RPS6KA2: variants seen among roughly 807,000 people sequenced by gnomAD.
RPS6KA2 encodes the protein ribosomal protein S6 kinase A2.
RPS6KA2 carries 42 observed loss-of-function variants against 91.8 expected under a neutral mutation model. The observed-to-expected ratio is 0.46, with a 90% CI of 0.36 to 0.59. RPS6KA2 has a LOEUF of 0.59. RPS6KA2 is among the 20% of genes least tolerant of loss of function. The probability of loss-of-function intolerance (pLI) is 0.00; values close to 1 mark genes in which losing one functional copy is unlikely to be tolerated. For missense variants in RPS6KA2, 798 were observed against 978.5 expected (o/e 0.82, Z 2.46); for synonymous variants, 414 against 393.6 (o/e 1.05, Z -0.61).
intron 2 of RPS6KA2, among the ~76,000 whole-genome samples, chr6:166,776,257 A>G (rs1471557202): frequency 6.6e-6 from 1 of 152,210 alleles, no homozygotes; most frequent in Non-Finnish European, 1.5e-5. Flanking sequence ...AAGGAGGTTC[A>G]ACGAAAAGCT....
intron 2 of RPS6KA2, among the ~76,000 whole-genome samples, chr6:166,656,555 C>T (rs781559326): frequency 6.6e-6 from 1 of 152,250 alleles, no homozygotes; most frequent in Non-Finnish European, 1.5e-5. Context: ...GTGGGCCCGG[C>T]AGGTGCTCCC....
chr6:166,417,207 C>T (rs1364388354), intron 19 of RPS6KA2, among the ~76,000 whole-genome samples: 1 of 152,184 alleles, frequency 6.6e-6, no homozygotes, highest in South Asian at 2.1e-4. Flanking sequence ...TACCTCTGGA[C>T]AAGAGCTCTA....
intron 2 of RPS6KA2, among the ~76,000 whole-genome samples, chr6:166,649,424 C>T (rs1984412): frequency 0.31 from 47,474 of 152,100 alleles, 7,592 homozygotes; most frequent in East Asian, 0.41. Flanking sequence ...GTTTCCGGGT[C>T]ATCCTCCCTG....
intron 16 of RPS6KA2, chr6:166,424,028 C>G (rs896824588): frequency 6.6e-6 from 1 of 152,432 alleles, no homozygotes; most frequent in Non-Finnish European, 1.5e-5. Flanking sequence ...ATTTAGGGCA[C>G]AAAGCAATGT....
intron 2 of RPS6KA2, among the ~76,000 whole-genome samples, chr6:166,643,943 C>T (rs1787527301): frequency 6.6e-6 from 1 of 152,248 alleles, no homozygotes; most frequent in Non-Finnish European, 1.5e-5. Flanking sequence ...TCACTATACA[C>T]AGTGCCTGTT....
chr6:166,732,618 C>G lies in RPS6KA2; in HGVS notation c.123+125582G>C, dbSNP rs577642569. ...TGCATCCAGACTGTTGAATCTTCAA[C>G]CAGCATCAAAGAAAGGAGCCGCCTT... On this transcript the variant is annotated intron_variant, in intron 2 of 21. Coordinates refer to the RPS6KA2 transcript ENST00000503859. The surrounding 1 kb of genome is among the most constrained non-coding windows in gnomAD (Gnocchi z 4.0). Among the ~76,000 whole-genome samples, 1 of 152,384 alleles carries G rather than the reference C, an allele frequency of 6.6e-6. No homozygotes were observed. Among genetic ancestry groups the G allele is most frequent in the South Asian group, 2.1e-4 (1 of 4,832 alleles).
At chr6:166,702,083 G>A (rs1789539603) in intron 2 of RPS6KA2, 3 of 1,387,262 alleles carry the variant, frequency 2.2e-6, no homozygotes, top group South Asian at 1.2e-5. Context: ...GCCTTCAGGA[G>A]TAGAGAGGAT....
chr6:166,579,013 A>G (rs1784925587), intron 1 of RPS6KA2, among the ~76,000 whole-genome samples: 1 of 152,208 alleles, frequency 6.6e-6, no homozygotes, highest in Non-Finnish European at 1.5e-5. Flanking sequence ...GGCCCAGGTT[A>G]GAAGGAAACA....
In RPS6KA2 at chr6:166,563,736, TA is replaced by T. The variant is rs1239386572; in HGVS notation, c.100-24953del. On this transcript the variant is annotated intron_variant, in intron 1 of 20. Transcript: ENST00000265678. The surrounding 1 kb of genome is among the most constrained non-coding windows in gnomAD (Gnocchi z 4.1). ...TTTAAATATTTCAGCAATTGATAAG[TA>T]ACTCAGCTTTTATGGGCTGGACCTT... 6.6e-6 allele frequency among the ~76,000 whole-genome samples: 1 copy of T among 152,250 alleles called. No homozygotes were observed. The highest frequency in any genetic ancestry group is 1.5e-5 in the Non-Finnish European group (1 of 68,046).
intron 1 of RPS6KA2, among the ~76,000 whole-genome samples, chr6:166,607,527 AC>A (rs1785997023): frequency 6.6e-6 from 1 of 152,108 alleles, no homozygotes; most frequent in South Asian, 2.1e-4. Context: ...CAGCCACAAA[AC>A]CCCACATTGT....
rs1018584090 is a variant in RPS6KA2 at position 166,852,244 on chromosome 6, C to T, written c.123+5956G>A. ...TATGTAACACCAGCTTTCAGAGACGCCACAGAGACAGATTCACAGGAGGTA... is the reference window on the plus strand; with the variant it reads ...TATGTAACACCAGCTTTCAGAGACGTCACAGAGACAGATTCACAGGAGGTA... On this transcript the variant is annotated intron_variant, in intron 2 of 21. Coordinates refer to the RPS6KA2 transcript ENST00000503859. This position sits in a 1 kb window ranked among gnomAD's most constrained non-coding sequence, Gnocchi z 4.1. 1.3e-5 allele frequency among the ~76,000 whole-genome samples: 2 copies of T among 152,166 alleles called. No homozygotes were observed. The highest frequency in any genetic ancestry group is 2.9e-5 in the Non-Finnish European group (2 of 68,014).
At position 166,600,522 on chromosome 6, in the gene RPS6KA2, T is replaced by G. The variant is rs979904579; in HGVS notation, c.99+26399A>C. Among the ~76,000 whole-genome samples the G allele has an allele frequency of 2.6e-5, 4 of 152,258 alleles. No homozygotes were observed. In the East Asian group the frequency reaches 7.7e-4, roughly 29 times the overall value. ...CCTGGTTTCCCTGTTTGACACACTG[T>G]CTTGGGAATTTGGAAATATCCCTTA... On this transcript the variant is annotated intron_variant, in intron 1 of 20. Coordinates refer to ENST00000265678, the MANE Select transcript of RPS6KA2 (RefSeq NM_021135.6).
chr6:166,435,609 G>A lies in RPS6KA2; in HGVS notation c.1333-3119C>T, dbSNP rs9459672. On this transcript the variant is annotated intron_variant, in intron 14 of 20. Transcript: ENST00000265678. The surrounding 1 kb of genome is among the most constrained non-coding windows in gnomAD (Gnocchi z 4.3). ...CCCAGGCTGAGGTCCTGTGGGGACA[G>A]GAGCTCATCTGGAGGAGACTCCAAG... Among the ~76,000 whole-genome samples the A allele has an allele frequency of 0.025, 3,855 of 152,340 alleles. 153 individuals are homozygous for A. The highest frequency in any genetic ancestry group is 0.088 in the African/African-American group (3,640 of 41,576).
chr6:166,727,390 T>C (rs1790372128), intron 2 of RPS6KA2, among the ~76,000 whole-genome samples: 1 of 151,980 alleles, frequency 6.6e-6, no homozygotes, highest in Non-Finnish European at 1.5e-5. Flanking sequence ...TACCAGTTCC[T>C]GAGGTTTGGA....
At chr6:166,819,192 T>C (rs1583151810) in intron 2 of RPS6KA2, among the ~76,000 whole-genome samples, 2 of 152,176 alleles carry the variant, frequency 1.3e-5, no homozygotes, top group Non-Finnish European at 2.9e-5. Context: ...ATAAGAGGGG[T>C]TTCTGTTCTC....
chr6:166,718,288 T>C (rs1355909474), intron 2 of RPS6KA2, among the ~76,000 whole-genome samples: 3 of 152,202 alleles, frequency 2.0e-5, no homozygotes, highest in Non-Finnish European at 4.4e-5. Flanking sequence ...GACTGGCAGA[T>C]AGCAGTTATC....
At chr6:166,806,923 C>A (rs974564481) in intron 2 of RPS6KA2, among the ~76,000 whole-genome samples, 1 of 152,128 alleles carries the variant, frequency 6.6e-6, no homozygotes, top group Non-Finnish European at 1.5e-5. Context: ...CTATTAATGT[C>A]ATGATGGTAC....
At chr6:166,812,435 G>C (rs9459764) in intron 2 of RPS6KA2, among the ~76,000 whole-genome samples, 20,282 of 152,136 alleles carry the variant, frequency 0.13, 1,721 homozygotes, top group Middle Eastern at 0.19. Flanking sequence ...CAGCCCCCTT[G>C]CCTCTCTCTC....
intron 2 of RPS6KA2, among the ~76,000 whole-genome samples, chr6:166,747,027 T>A (rs1428950567): frequency 6.6e-6 from 1 of 152,244 alleles, no homozygotes; most frequent in Non-Finnish European, 1.5e-5. Flanking sequence ...ATCCTCCGGC[T>A]GTTCAGTAAT....
Sources: gnomAD v4.1 joint callset for allele counts (sites outside exome capture counted in the v4.1 genomes callset) on GRCh38, gnomAD v4.1.1 for gene constraint, Gnocchi (gnomAD v3.1) non-coding constraint, MANE v1.5 for transcripts, NCBI Gene and HGNC (gene_info 2026-07-23, HGNC 2026-07-21) for gene names.